Variants in GPC5 observed in about 807,000 individuals in gnomAD.
The protein encoded by GPC5 is glypican 5.
A neutral mutation model predicts 53.9 loss-of-function variants in GPC5; 47 were observed. The observed-to-expected ratio is 0.87, with a 90% CI of 0.69 to 1.11. GPC5 has a LOEUF of 1.11. Among genes scored for constraint, GPC5 ranks in the 50% most tolerant of loss-of-function variants. The pLI, the probability that GPC5 is intolerant of heterozygous loss-of-function variation, is 0.00. For synonymous variants in GPC5, 286 were observed against 263.3 expected, an observed-to-expected ratio of 1.09 and a Z score of -0.84; for missense variants, 748 against 713.1, an observed-to-expected ratio of 1.05 and a Z score of -0.56.
intron 5 of GPC5, among the ~76,000 whole-genome samples, chr13:91,872,242 C>A (rs2039153339): frequency 6.6e-6 from 1 of 151,972 alleles, no homozygotes; most frequent in Non-Finnish European, 1.5e-5. Flanking sequence ...ATATGAGATA[C>A]CCCGTGACAG....
At position 91,673,275 on chromosome 13, in the gene GPC5, T is replaced by G. The variant is rs549666797; in HGVS notation, c.326-19912T>G. 3.3e-5 allele frequency among the ~76,000 whole-genome samples: 5 copies of G among 152,184 alleles called. No individual in the cohort carries two copies. The South Asian group carries it at 6.2e-4, about 19-fold the overall frequency. The stretch of plus-strand genomic sequence containing the variant: ...ACCATCACACTAAGCAAAAAGAGAC[T>G]GACATGAAAGAAAAAATAAGAATCT... On this transcript the variant is annotated intron_variant, in intron 2 of 7. Coordinates refer to ENST00000377067, the MANE Select transcript of GPC5 (RefSeq NM_004466.6).
intron 7 of GPC5, among the ~76,000 whole-genome samples, chr13:92,208,641 T>A (rs1269899920): frequency 6.6e-6 from 1 of 152,216 alleles, no homozygotes; most frequent in Non-Finnish European, 1.5e-5. Context: ...TACAGTTGAC[T>A]TTAAGGCAAT....
At chr13:92,255,093 T>G (rs201302181) in intron 7 of GPC5, among the ~76,000 whole-genome samples, 2 of 152,204 alleles carry the variant, frequency 1.3e-5, no homozygotes, top group East Asian at 3.8e-4. Flanking sequence ...CAGGAGGAGA[T>G]GCATAAGTTG....
intron 7 of GPC5, among the ~76,000 whole-genome samples, chr13:92,237,368 C>A (rs372535790): frequency 6.6e-6 from 1 of 151,934 alleles, no homozygotes; most frequent in Non-Finnish European, 1.5e-5. Context: ...TACAGGCACG[C>A]ACCACCAAGC....
chr13:92,385,381 CAT>C (rs67898974), intron 7 of GPC5, among the ~76,000 whole-genome samples: 37,467 of 91,836 alleles, frequency 0.41, 10,541 homozygotes, highest in Non-Finnish European at 0.46. Context: ...TACATATATA[CAT>C]ATATATACAT....
At chr13:92,842,166 T>A (rs1360705116) in intron 7 of GPC5, among the ~76,000 whole-genome samples, 1 of 152,132 alleles carries the variant, frequency 6.6e-6, no homozygotes, top group Non-Finnish European at 1.5e-5. Flanking sequence ...TATCCCTCAA[T>A]GTATGTGATA....
At chr13:92,070,052 G>A (rs904968355) in intron 6 of GPC5, among the ~76,000 whole-genome samples, 4 of 152,084 alleles carry the variant, frequency 2.6e-5, no homozygotes, top group African/African-American at 9.7e-5. Context: ...CCATGCTCCA[G>A]TTGATTTCTG....
chr13:91,973,133 T>G (rs1184026272), intron 6 of GPC5, among the ~76,000 whole-genome samples: 2 of 152,236 alleles, frequency 1.3e-5, no homozygotes, highest in African/African-American at 4.8e-5. Flanking sequence ...TCTTTTCACA[T>G]AGTCTCATAT....
chr13:91,933,942 GTCTTCATTAAATATCTC>G lies in GPC5; in HGVS notation c.1401+25887_1401+25903del, dbSNP rs767163421. Among the ~76,000 whole-genome samples, 47 of 151,926 alleles carry G rather than the reference GTCTTCATTAAATATCTC, an allele frequency of 3.1e-4. No homozygotes were observed. In the Middle Eastern group the frequency reaches 0.01, roughly 33 times the overall value. On this transcript the variant is annotated intron_variant, in intron 6 of 7. Coordinates refer to ENST00000377067, the MANE Select transcript of GPC5 (RefSeq NM_004466.6). ...GCTTGTATATGATGCATCATAGTTT[GTCTTCATTAAATATCTC>G]TGGAAACAAGACCATATTGTGTCCC...
chr13:91,409,644 C>CTTTTA (rs1427386351), intron 1 of GPC5, among the ~76,000 whole-genome samples: 1 of 151,984 alleles, frequency 6.6e-6, no homozygotes, highest in Non-Finnish European at 1.5e-5. Context: ...CACATATTTT[C>CTTTTA]TTTTCTTTTC....
chr13:92,357,109 A>T (rs891820252), intron 7 of GPC5, among the ~76,000 whole-genome samples: 1 of 151,796 alleles, frequency 6.6e-6, no homozygotes, highest in East Asian at 1.9e-4. Context: ...TCTTTATCCA[A>T]TGTATCATTG....
chr13:92,235,171 C>G (rs1417838370), intron 7 of GPC5, among the ~76,000 whole-genome samples: 2 of 152,124 alleles, frequency 1.3e-5, no homozygotes, highest in African/African-American at 4.8e-5. Flanking sequence ...TATTATTTTA[C>G]TTACTCCAGG....
chr13:92,165,950 C>A (rs2042024344), intron 7 of GPC5, among the ~76,000 whole-genome samples: 1 of 152,154 alleles, frequency 6.6e-6, no homozygotes, highest in Non-Finnish European at 1.5e-5. Flanking sequence ...CCATGGCCAA[C>A]AAATAGGACT....
chr13:92,828,252 AC>A (rs1047653181), intron 7 of GPC5, among the ~76,000 whole-genome samples: 2 of 151,742 alleles, frequency 1.3e-5, no homozygotes, highest in Non-Finnish European at 2.9e-5. Context: ...CCCCCACCAC[AC>A]CCCACACACC....
rs2043380675 is a variant in GPC5 at position 92,343,064 on chromosome 13, G to A, written c.1561+198075G>A. On this transcript the variant is annotated intron_variant, in intron 7 of 7. Transcript: ENST00000377067. Reference sequence around the variant, plus strand: ...AGATAATACATGAAACTATACCATAGTGAGATGTGAAGTTTGCAACAATAA... The same window carrying A: ...AGATAATACATGAAACTATACCATAATGAGATGTGAAGTTTGCAACAATAA... Among the ~76,000 whole-genome samples, 3 of 152,112 alleles carry A rather than the reference G, an allele frequency of 2.0e-5. No homozygotes were observed. In the South Asian group the frequency reaches 6.2e-4, roughly 32 times the overall value.
intron 7 of GPC5, among the ~76,000 whole-genome samples, chr13:92,170,606 G>A (rs1030610230): frequency 6.6e-6 from 1 of 151,466 alleles, no homozygotes; most frequent in African/African-American, 2.4e-5. Context: ...TGTATTTTTA[G>A]TAGAAACGGG....
chr13:91,898,296 C>CA (rs557130090), intron 5 of GPC5, among the ~76,000 whole-genome samples: 1 of 152,144 alleles, frequency 6.6e-6, no homozygotes, highest in South Asian at 2.1e-4. Context: ...TTAGAGTTAC[C>CA]AAAAAATAGC....
intron 7 of GPC5, among the ~76,000 whole-genome samples, chr13:92,507,525 C>T (rs1262602152): frequency 6.6e-6 from 1 of 152,034 alleles, no homozygotes; most frequent in African/African-American, 2.4e-5. Context: ...TAGATGAAAT[C>T]CCTTCTCACA....
intron 5 of GPC5, among the ~76,000 whole-genome samples, chr13:91,878,678 C>G (rs776594526): frequency 6.6e-6 from 1 of 152,022 alleles, no homozygotes; most frequent in African/African-American, 2.4e-5. Context: ...TTATAAGGAG[C>G]TTTTCTCTCT....
Sources: allele counts gnomAD v4.1 joint callset (sites outside exome capture counted in the v4.1 genomes callset), GRCh38; gene constraint gnomAD v4.1.1; transcripts MANE v1.5; gene names NCBI Gene and HGNC (gene_info 2026-07-23, HGNC 2026-07-21).